Variants in AP1S3 observed in about 807,000 individuals in gnomAD.
The protein encoded by AP1S3 is adaptor related protein complex 1 subunit sigma 3.
In AP1S3, 10 loss-of-function variants were observed where a neutral mutation model predicts 20.9. The observed-to-expected ratio is 0.48, with a 90% CI of 0.29 to 0.81. The LOEUF is 0.81. Among genes scored for constraint, AP1S3 ranks in the 30% least tolerant of loss-of-function variants. AP1S3 has a pLI of 0.08. For missense variants in AP1S3, 154 were observed against 183.8 expected (o/e 0.84, Z 0.94); for synonymous variants, 41 against 61.5 (o/e 0.67, Z 1.56).
chr2:223,802,120 G>A (rs181777134), intron 1 of AP1S3, among the ~76,000 whole-genome samples: 19 of 152,220 alleles, frequency 1.2e-4, no homozygotes, highest in African/African-American at 3.4e-4. Context: ...GGTCTGGAAC[G>A]TTATTGAGAG....
chr2:223,791,424 G>A (rs1691215021), intron 1 of AP1S3, among the ~76,000 whole-genome samples: 1 of 152,044 alleles, frequency 6.6e-6, no homozygotes, highest in Admixed American at 6.6e-5. Context: ...CAGAAATGAA[G>A]ACAAAAACCA....
chr2:223,755,461 A>G lies in AP1S3; in HGVS notation c.*3254T>C, dbSNP rs928247555. On this transcript the variant is annotated 3_prime_UTR_variant, in exon 5 of 5. Coordinates refer to ENST00000396654, the MANE Select transcript of AP1S3 (RefSeq NM_001039569.2). ...ACAATGACTATTTTAGCCTAGGCCC[A>G]TGGAAGATGTCCCTAAAATCCCTCA... is the stretch of plus-strand genomic sequence containing the variant. Among the ~76,000 whole-genome samples the G allele has an allele frequency of 1.4e-4, 21 of 151,822 alleles. No individual in the cohort carries two copies. Among genetic ancestry groups the G allele is most frequent in the Admixed American group, 7.2e-4 (11 of 15,226 alleles).
intron 1 of AP1S3, among the ~76,000 whole-genome samples, chr2:223,832,951 A>AT (rs57326534): frequency 9.3e-5 from 14 of 150,480 alleles, no homozygotes; most frequent in African/African-American, 2.7e-4. Context: ...AAAATCCTTG[A>AT]TTTTTTTTTA....
chr2:223,774,898 C>A (rs1427488476), intron 3 of AP1S3, among the ~76,000 whole-genome samples: 1 of 149,762 alleles, frequency 6.7e-6, no homozygotes, highest in African/African-American at 2.5e-5. Flanking sequence ...GAAGAAGAGT[C>A]ACTTAGTAAG....
intron 1 of AP1S3, among the ~76,000 whole-genome samples, chr2:223,833,811 C>T (rs1194942431): frequency 2.6e-5 from 4 of 152,232 alleles, no homozygotes; most frequent in Admixed American, 6.5e-5. Flanking sequence ...CGCCTTCACA[C>T]GCATTCACTT....
intron 1 of AP1S3, among the ~76,000 whole-genome samples, chr2:223,787,045 G>C (rs149229608): frequency 3.5e-4 from 53 of 152,304 alleles, no homozygotes; most frequent in African/African-American, 1.2e-3. Context: ...TCATGAATGA[G>C]TTAGCGCCAT....
At chr2:223,807,599 T>C (rs891898361) in intron 1 of AP1S3, among the ~76,000 whole-genome samples, 1 of 152,142 alleles carries the variant, frequency 6.6e-6, no homozygotes, top group Non-Finnish European at 1.5e-5. Context: ...CATAAATGAG[T>C]TAGCATCATC....
At chr2:223,827,598 C>A (rs1210275270) in intron 1 of AP1S3, among the ~76,000 whole-genome samples, 1 of 151,606 alleles carries the variant, frequency 6.6e-6, no homozygotes, top group Non-Finnish European at 1.5e-5. Flanking sequence ...GTTGGCCTGG[C>A]TGGTCTCGAA....
At position 223,775,686 on chromosome 2, in the gene AP1S3, A is replaced by G. The variant is rs375221210; in HGVS notation, c.291+215T>C. The stretch of plus-strand genomic sequence containing the variant: ...CAGGACTCCATATCTATTTAAAAAG[A>G]AAAAAGGAAAGCTTTGGGTCTTTCA... On this transcript the variant is annotated intron_variant, in intron 3 of 4. Transcript: ENST00000396654. Among the ~76,000 whole-genome samples the G allele has an allele frequency of 3.3e-5, 5 of 152,324 alleles. No individual in the cohort carries two copies. The East Asian group carries it at 7.7e-4, about 23-fold the overall frequency.
intron 3 of AP1S3, among the ~76,000 whole-genome samples, chr2:223,774,418 AGTGTATCAAGGATG>A (rs1690712520): frequency 8.8e-5 from 13 of 147,738 alleles, no homozygotes; most frequent in Admixed American, 2.7e-4. Flanking sequence ...AAATAAGGGT[AGTGTATCAAGGATG>A]GAGGAGTGGT....
At chr2:223,774,721 G>A (rs571896782) in intron 3 of AP1S3, among the ~76,000 whole-genome samples, 1 of 152,310 alleles carries the variant, frequency 6.6e-6, no homozygotes, top group African/African-American at 2.4e-5. Context: ...TGAATAGACA[G>A]AGGCAGATTC....
intron 1 of AP1S3, among the ~76,000 whole-genome samples, chr2:223,790,482 C>G (rs1404931960): frequency 5.9e-5 from 9 of 152,080 alleles, no homozygotes; most frequent in Admixed American, 3.3e-4. Flanking sequence ...GATTCACGTG[C>G]CTCGGCCTCC....
chr2:223,775,790 C>A, intron 3 of AP1S3, 111 bp downstream of exon 3: 1 of 802,254 alleles, frequency 1.2e-6, no homozygotes, highest in South Asian at 1.7e-5. Flanking sequence ...GGTTCAAGTT[C>A]AATTCATATT....
At position 223,757,817 on chromosome 2, in the gene AP1S3, A is replaced by AT; in HGVS notation, c.*897dup. ...AGCCATGTAATAAGTCTTCAAATGC[A>AT]TTAGAGATACATTAAAACATATTTG... On this transcript the variant is annotated 3_prime_UTR_variant, in exon 5 of 5. Transcript: ENST00000396654. 1 of 985,336 alleles carries AT rather than the reference A, an allele frequency of 1.0e-6. No individual in the cohort carries two copies. The highest frequency in any genetic ancestry group is 1.2e-6 in the Non-Finnish European group (1 of 829,816). The allele number at this position is 985,336 out of a possible 1,614,324, so 61.0% of individuals were successfully genotyped here. A position where few individuals can be genotyped will look rare whatever the true frequency, so the allele number is the denominator to read the frequency against.
intron 1 of AP1S3, among the ~76,000 whole-genome samples, chr2:223,780,355 AGAGTGTGT>A (rs1690912354): frequency 2.4e-4 from 13 of 54,954 alleles, no homozygotes; most frequent in Non-Finnish European, 3.2e-4. Context: ...AGAGAGAGAG[AGAGTGTGT>A]GTGTGTGTGT....
chr2:223,792,161 A>G (rs1166198192), intron 1 of AP1S3, among the ~76,000 whole-genome samples: 2 of 152,198 alleles, frequency 1.3e-5, no homozygotes, highest in Non-Finnish European at 2.9e-5. Flanking sequence ...TAAAATTCAT[A>G]TGGAACCAGA....
intron 1 of AP1S3, among the ~76,000 whole-genome samples, chr2:223,816,955 T>C (rs1331977188): frequency 6.6e-6 from 1 of 151,954 alleles, no homozygotes; most frequent in Admixed American, 6.6e-5. Context: ...TGAAACCCTG[T>C]CTTTACTAAA....
intron 1 of AP1S3, among the ~76,000 whole-genome samples, chr2:223,821,614 G>A (rs1009680376): frequency 5.3e-5 from 8 of 152,152 alleles, no homozygotes; most frequent in Admixed American, 2.6e-4. Context: ...CAGAGATTTC[G>A]TGAGCAATGC....
At chr2:223,807,875 T>C (rs980749710) in intron 1 of AP1S3, among the ~76,000 whole-genome samples, 16 of 126,040 alleles carry the variant, frequency 1.3e-4, no homozygotes, top group African/African-American at 4.9e-4. Context: ...TTCTTTTTTT[T>C]TTTTTTTTTT....
Sources: gnomAD v4.1 joint callset for allele counts (sites outside exome capture counted in the v4.1 genomes callset) on GRCh38, gnomAD v4.1.1 for gene constraint, MANE v1.5 for transcripts, NCBI Gene and HGNC (gene_info 2026-07-23, HGNC 2026-07-21) for gene names.